The following ITSN1 variants were observed in gnomAD, a reference collection of about 807,000 sequenced individuals.
ITSN1 encodes intersectin-1.
ITSN1 carries 58 observed loss-of-function variants against 239.8 expected under a neutral mutation model. The observed-to-expected ratio is 0.24, with a 90% CI of 0.20 to 0.30. ITSN1 has a LOEUF of 0.30. ITSN1 is among the 10% of genes least tolerant of loss of function. The probability of loss-of-function intolerance (pLI) is 1.00; values close to 1 mark genes in which losing one functional copy is unlikely to be tolerated. For missense variants in ITSN1, 1,558 were observed against 2,103.3 expected (o/e 0.74, Z 5.07); for synonymous variants, 780 against 770.8 (o/e 1.01, Z -0.20).
intron 22 of ITSN1, 174 bp downstream of exon 22, chr21:33,814,246 G>T: frequency 3.9e-6 from 2 of 515,414 alleles, no homozygotes; most frequent in South Asian, 2.7e-5. Context: ...ATAGTTGGGA[G>T]TTGGGGGTGG....
chr21:33,817,287 G>A (rs1024515254), intron 22 of ITSN1: 3 of 1,304,248 alleles, frequency 2.3e-6, no homozygotes, highest in Non-Finnish European at 3.0e-6. Context: ...CCCGGATTGT[G>A]CTTCTCTTCC....
chr21:33,723,699 T>TA (rs750447315), intron 4 of ITSN1, among the ~76,000 whole-genome samples: 1 of 152,220 alleles, frequency 6.6e-6, no homozygotes, highest in Non-Finnish European at 1.5e-5. Flanking sequence ...GATTTGGAGA[T>TA]ACAGTTACCC....
intron 34 of ITSN1, among the ~76,000 whole-genome samples, chr21:33,881,729 C>T (rs1208548644): frequency 1.3e-5 from 2 of 152,046 alleles, no homozygotes; most frequent in African/African-American, 2.4e-5. Flanking sequence ...ACCTGTAATC[C>T]CAGTATTTTG....
Position 33,811,051 on chromosome 21 carries a change from A to G in ITSN1, c.2396A>G (p.Asn799Ser). 6.2e-7 allele frequency: 1 copy of G among 1,614,200 alleles called. No individual in the cohort carries two copies. Among genetic ancestry groups the G allele is most frequent in the Non-Finnish European group, 8.5e-7 (1 of 1,180,034 alleles). The change falls in exon 21 of 40, where the codon AAC becomes AGC. Residue 799 changes from asparagine (N) to serine (S), a missense_variant. Asn to Ser is a conservative substitution (Grantham distance 46). Coordinates refer to ENST00000381318, the MANE Select transcript of ITSN1 (RefSeq NM_003024.3). ...GGAAAGACAGGGTGGTTCCCTGCAA[A>G]CTATGCAGAGAAAATCCCAGAAAAT... ...LKGKTGWFPA[N>S]YAEKIPENEV...
intron 20 of ITSN1, among the ~76,000 whole-genome samples, chr21:33,802,646 G>T (rs2072095810): frequency 6.6e-6 from 1 of 152,100 alleles, no homozygotes; most frequent in Non-Finnish European, 1.5e-5. Context: ...GTTTCTTTTT[G>T]TTAGATTCCT....
At chr21:33,857,612 A>T (rs769234039) in intron 30 of ITSN1, among the ~76,000 whole-genome samples, 18 of 152,210 alleles carry the variant, frequency 1.2e-4, no homozygotes, top group Non-Finnish European at 1.5e-5. Context: ...CTTAACATCC[A>T]GGAAAGACGC....
chr21:33,826,155 A>G (rs769887056), intron 25 of ITSN1, among the ~76,000 whole-genome samples: 2 of 152,216 alleles, frequency 1.3e-5, no homozygotes, highest in Non-Finnish European at 2.9e-5. Flanking sequence ...CACTTTTTAA[A>G]CACTTGATAG....
intron 22 of ITSN1, chr21:33,814,439 A>G (rs2254480): frequency 0.38 from 78,743 of 206,732 alleles, 16,593 homozygotes; most frequent in Non-Finnish European, 0.46. Flanking sequence ...TTTAAGGAAA[A>G]TCACATACCC....
At chr21:33,813,735 CT>C (rs2073073498) in intron 21 of ITSN1, among the ~76,000 whole-genome samples, 177 bp from the exon 22 acceptor site, 2 of 149,608 alleles carry the variant, frequency 1.3e-5, no homozygotes, top group African/African-American at 2.5e-5. Context: ...CCATCTTTTT[CT>C]TTTTTCTTTT....
chr21:33,682,952 G>A (rs112673579), intron 1 of ITSN1, among the ~76,000 whole-genome samples: 7 of 152,228 alleles, frequency 4.6e-5, no homozygotes, highest in East Asian at 1.9e-4. Context: ...AGATGAAATA[G>A]ACAAGTATTT....
chr21:33,746,891 C>T (rs572572079), intron 5 of ITSN1, among the ~76,000 whole-genome samples: 7 of 152,128 alleles, frequency 4.6e-5, no homozygotes, highest in Non-Finnish European at 7.4e-5. Context: ...CGGTGGCTCA[C>T]GGCTGTAATC....
At chr21:33,790,632 T>G (rs1428738111) in intron 16 of ITSN1, among the ~76,000 whole-genome samples, 1 of 152,238 alleles carries the variant, frequency 6.6e-6, no homozygotes, top group Non-Finnish European at 1.5e-5. Flanking sequence ...AGTGAGATAC[T>G]GACTTTTGAT....
chr21:33,839,336 G>T (rs2074744482), intron 29 of ITSN1, among the ~76,000 whole-genome samples: 1 of 152,192 alleles, frequency 6.6e-6, no homozygotes, highest in Admixed American at 6.5e-5. Context: ...GCAGGGCCAG[G>T]GGAGGGTGGC....
chr21:33,881,143 C>G (rs757258107), intron 34 of ITSN1, among the ~76,000 whole-genome samples: 35 of 152,182 alleles, frequency 2.3e-4, no homozygotes, highest in Non-Finnish European at 4.9e-4. Context: ...TATGGTGGCT[C>G]ACGCCGGTAA....
In ITSN1 at chr21:33,701,214, C is replaced by G. The variant is rs545736684; in HGVS notation, c.-32-17583C>G. 2.0e-5 allele frequency among the ~76,000 whole-genome samples: 3 copies of G among 152,234 alleles called. No individual in the cohort carries two copies. In the East Asian group the frequency reaches 5.8e-4, roughly 29 times the overall value. On this transcript the variant is annotated intron_variant, in intron 1 of 39. Transcript: ENST00000381318. ...CCTGGGTTCAAGCAATCCTTCCGCC[C>G]TAGACTCCTAAGTAATTGGAACTAT...
chr21:33,741,510 CTATAAT>C (rs2066845709), intron 5 of ITSN1, among the ~76,000 whole-genome samples: 1 of 150,844 alleles, frequency 6.6e-6, no homozygotes, highest in Non-Finnish European at 1.5e-5. Flanking sequence ...ATCTAGATGA[CTATAAT>C]TATAAACTTA....
At chr21:33,780,417 T>C (rs767375029) in intron 14 of ITSN1, among the ~76,000 whole-genome samples, 2 of 152,250 alleles carry the variant, frequency 1.3e-5, no homozygotes, top group Non-Finnish European at 2.9e-5. Context: ...ATACTTGCTT[T>C]GGAGATAAGT....
intron 9 of ITSN1, among the ~76,000 whole-genome samples, chr21:33,765,256 T>C (rs1415088027): frequency 6.6e-6 from 1 of 152,236 alleles, no homozygotes; most frequent in Non-Finnish European, 1.5e-5. Context: ...CTTATGCCTA[T>C]AATCCCAGCG....
At chr21:33,651,266 A>G (rs965079078) in intron 1 of ITSN1, among the ~76,000 whole-genome samples, 17 of 152,220 alleles carry the variant, frequency 1.1e-4, no homozygotes, top group Non-Finnish European at 2.1e-4. Context: ...TAGGAAGTTA[A>G]TGTAAGTTTT....
Sources: gnomAD v4.1 joint callset for allele counts (sites outside exome capture counted in the v4.1 genomes callset) on GRCh38, gnomAD v4.1.1 for gene constraint, MANE v1.5 for transcripts, NCBI Gene and HGNC (gene_info 2026-07-23, HGNC 2026-07-21) for gene names.